Variants in ZSCAN12 observed in about 807,000 individuals in gnomAD.
The protein encoded by ZSCAN12 is zinc finger and SCAN domain containing 12.
A neutral mutation model predicts 23.4 loss-of-function variants in ZSCAN12; 18 were observed. That is an observed-to-expected ratio of 0.77 (90% CI 0.53 to 1.14). ZSCAN12 has a LOEUF of 1.14. Among genes scored for constraint, ZSCAN12 ranks in the 50% most tolerant of loss-of-function variants. ZSCAN12 has a pLI of 0.00. For synonymous variants in ZSCAN12, 186 were observed against 253.4 expected, an observed-to-expected ratio of 0.73 and a Z score of 2.53; for missense variants, 650 against 735.0, an observed-to-expected ratio of 0.88 and a Z score of 1.34.
rs759827066 is a variant in ZSCAN12 at position 28,388,630 on chromosome 6, T to G, written c.*1824A>C. ...ACACAGGGCTGTGTAGAAAGGTAAT[T>G]AGGAGTGGGACTTACTAAGGAAGAA... On this transcript the variant is annotated 3_prime_UTR_variant, in exon 4 of 4. Transcript: ENST00000684592. 5.9e-5 allele frequency among the ~76,000 whole-genome samples: 9 copies of G among 152,014 alleles called. No homozygotes were observed. The highest frequency in any genetic ancestry group is 1.2e-4 in the Non-Finnish European group (8 of 67,994).
At position 28,388,025 on chromosome 6, in the gene ZSCAN12, A is replaced by C. The variant is rs1167200528; in HGVS notation, c.*2429T>G. Among the ~76,000 whole-genome samples, 3 of 152,142 alleles carry C rather than the reference A, an allele frequency of 2.0e-5. No individual in the cohort carries two copies. Reference sequence around the variant, plus strand: ...TTGGCTTTGGAGCCGCAAGCAGCTGAACCTTGGTTTGGTTACAAGTTTGCA... The same window carrying C: ...TTGGCTTTGGAGCCGCAAGCAGCTGCACCTTGGTTTGGTTACAAGTTTGCA... On this transcript the variant is annotated 3_prime_UTR_variant, in exon 4 of 4. Transcript: ENST00000684592.
At chr6:28,380,421 C>T (rs912476636), downstream of ZSCAN12, 10 of 152,248 alleles carry the variant, frequency 6.6e-5, no homozygotes, top group Admixed American at 3.9e-4. Context: ...TCAGTCCTGG[C>T]TTCTGGGTGA....
chr6:28,397,788 G>T (rs1316010831), intron 2 of ZSCAN12, among the ~76,000 whole-genome samples: 2 of 152,094 alleles, frequency 1.3e-5, no homozygotes, highest in South Asian at 4.2e-4. Flanking sequence ...TTATCAAACA[G>T]AATTTTGTAG....
rs1263190247 is a variant in ZSCAN12, at chr6:28,389,648, T to TGGAGGATCAC, written c.*796_*805dup. Among the ~76,000 whole-genome samples, 1 of 152,230 alleles carries TGGAGGATCAC rather than the reference T, an allele frequency of 6.6e-6. No individual in the cohort carries two copies. Among genetic ancestry groups the TGGAGGATCAC allele is most frequent in the Non-Finnish European group, 1.5e-5 (1 of 68,044 alleles). ...ACATGATTTTGATGTTCATCAAAGT[T>TGGAGGATCAC]GGAGGATCACTAGAGTAATGGCCAG... On this transcript the variant is annotated 3_prime_UTR_variant, in exon 4 of 4. Coordinates refer to ENST00000684592, the MANE Select transcript of ZSCAN12 (RefSeq NM_001163391.2).
chr6:28,398,553 T>C, intron 1 of ZSCAN12, 80 bp from the exon 2 acceptor site: 1 of 748,968 alleles, frequency 1.3e-6, no homozygotes, highest in Non-Finnish European at 2.1e-6. Context: ...ACTATGACCT[T>C]TGAAATCTGA....
chr6:28,387,346 C>T lies in ZSCAN12; in HGVS notation c.*3108G>A, dbSNP rs981802083. ...TAAAGGCACTCAGAGGAGTAGAAGG[C>T]AAGTTTAAAACAACGATTGCATTCC... On this transcript the variant is annotated 3_prime_UTR_variant, in exon 4 of 4. Coordinates refer to ENST00000684592, the MANE Select transcript of ZSCAN12 (RefSeq NM_001163391.2). Among the ~76,000 whole-genome samples, 1 of 152,116 alleles carries T rather than the reference C, an allele frequency of 6.6e-6. No homozygotes were observed. Among genetic ancestry groups the T allele is most frequent in the African/African-American group, 2.4e-5 (1 of 41,418 alleles).
At position 28,390,647 on chromosome 6, in the gene ZSCAN12, G is replaced by T; in HGVS notation, c.1643C>A (p.Thr548Asn). The change falls in exon 4 of 4, where the codon ACT becomes AAT. Residue 548 changes from threonine (T) to asparagine (N), a missense_variant. Physicochemically the swap from Thr to Asn is moderately conservative, Grantham distance 65 (BLOSUM62 0). Coordinates refer to ENST00000684592, the MANE Select transcript of ZSCAN12 (RefSeq NM_001163391.2). ...ATCACATTGGTAGGGCTTCTCCCCAGTGTGGATTCTCTGATGCTGAATGAG... is the reference window on the plus strand; with the variant it reads ...ATCACATTGGTAGGGCTTCTCCCCATTGTGGATTCTCTGATGCTGAATGAG... ...TSLIQHQRIH[T>N]GEKPYQCDEC... is the part of the protein sequence containing the mutation. 1.9e-6 allele frequency: 3 copies of T among 1,613,502 alleles called. No individual in the cohort carries two copies. The highest frequency in any genetic ancestry group is 2.2e-5 in the East Asian group (1 of 44,850).
At chr6:28,392,505 AT>A (rs567446822) in intron 3 of ZSCAN12, among the ~76,000 whole-genome samples, 841 of 151,048 alleles carry the variant, frequency 5.6e-3, no homozygotes, top group East Asian at 7.9e-3. Flanking sequence ...AAGTATACAA[AT>A]TTTTTTTTTC....
chr6:28,383,334 A>G (rs1298054438), downstream of ZSCAN12, among the ~76,000 whole-genome samples: 2 of 152,166 alleles, frequency 1.3e-5, no homozygotes, highest in Non-Finnish European at 2.9e-5. Flanking sequence ...CTCACCAGAG[A>G]CACTGAAAGG....
rs1581787360 is a variant in ZSCAN12, at chr6:28,398,331, T to C, written c.75A>G (p.Lys25=). ...GGTCCCAATCCTGTCTGGTGGTATA[T>C]TTCTCTTCCTCTATCTTTACTTCCA... The part of the protein sequence containing the change: ...EPLEVKIEEE[K]YTTRQDWDLR... The change falls in exon 2 of 4, where the codon AAA becomes AAG. Residue 25 remains lysine, a synonymous_variant. Transcript: ENST00000684592. 23 of 1,557,396 alleles carry C rather than the reference T, an allele frequency of 1.5e-5. No homozygotes were observed. The East Asian group carries it at 1.7e-4, about 11-fold the overall frequency.
Position 28,391,783 on chromosome 6 carries a change from A to G in ZSCAN12, c.548-41T>C, listed in dbSNP as rs1561959905. On this transcript the variant is annotated intron_variant, in intron 3 of 3. Coordinates refer to ENST00000684592, the MANE Select transcript of ZSCAN12 (RefSeq NM_001163391.2). This position sits in a 1 kb window ranked among gnomAD's most constrained non-coding sequence, Gnocchi z 4.1. ...AAATGTTACCTCTTTCTACCTTTAA[A>G]ATGTATCCATACATTTTAATATTAA... 1 of 1,404,374 alleles carries G rather than the reference A, an allele frequency of 7.1e-7. No homozygotes were observed. Among genetic ancestry groups the G allele is most frequent in the Non-Finnish European group, 9.4e-7 (1 of 1,064,454 alleles). The allele number at this position is 1,404,374 out of a possible 1,614,324, so 87.0% of individuals were successfully genotyped here. A position where few individuals can be genotyped will look rare whatever the true frequency, so the allele number is the denominator to read the frequency against.
chr6:28,396,019 A>ATTTT (rs70983941), intron 2 of ZSCAN12, among the ~76,000 whole-genome samples: 2 of 132,180 alleles, frequency 1.5e-5, no homozygotes, highest in Non-Finnish European at 3.2e-5. Flanking sequence ...GTGTTTGTTG[A>ATTTT]TTTTTTTTTT....
At chr6:28,384,114 A>G (rs547979139), downstream of ZSCAN12, among the ~76,000 whole-genome samples, 13 of 152,278 alleles carry the variant, frequency 8.5e-5, no homozygotes, top group Admixed American at 2.6e-4. Context: ...AACCATGGCA[A>G]TCCGTCTCTA....
At position 28,391,542 on chromosome 6, in the gene ZSCAN12, C is replaced by T; in HGVS notation, c.748G>A (p.Glu250Lys). The T allele has an allele frequency of 3.2e-6, 5 of 1,552,208 alleles. No individual in the cohort carries two copies. Among genetic ancestry groups the T allele is most frequent in the Non-Finnish European group, 4.4e-6 (5 of 1,147,112 alleles). ...SREDKQPTCD[E>K]NGVSLTENSD... ...TTCTCAGTCAGGCTTACTCCATTTT[C>T]ATCACAGGTAGGTTGTTTATCTTCT... The change falls in exon 4 of 4, where the codon GAA (glutamate) becomes AAA (lysine). Residue 250 changes from glutamate to lysine, a missense_variant. Coordinates refer to ENST00000684592, the MANE Select transcript of ZSCAN12 (RefSeq NM_001163391.2). This position sits in a 1 kb window ranked among gnomAD's most constrained non-coding sequence, Gnocchi z 4.1.
In ZSCAN12 at chr6:28,390,165, T is replaced by C. The variant is rs1760742319; in HGVS notation, c.*289A>G. 6.6e-6 allele frequency among the ~76,000 whole-genome samples: 1 copy of C among 152,198 alleles called. No homozygotes were observed. The highest frequency in any genetic ancestry group is 1.5e-5 in the Non-Finnish European group (1 of 68,030). ...TATAGTCTGTTACAAAGTACCACTT[T>C]CATTCGACACCATCTGGTGCATCAA... is the stretch of plus-strand genomic sequence containing the variant. On this transcript the variant is annotated 3_prime_UTR_variant, in exon 4 of 4. Coordinates refer to ENST00000684592, the MANE Select transcript of ZSCAN12 (RefSeq NM_001163391.2).
Position 28,391,787 on chromosome 6 carries a change from T to C in ZSCAN12, c.548-45A>G. The C allele has an allele frequency of 7.2e-7, 1 of 1,387,432 alleles. No individual in the cohort carries two copies. The highest frequency in any genetic ancestry group is 9.5e-7 in the Non-Finnish European group (1 of 1,052,472). 85.9% of individuals were successfully genotyped at this position (1,387,432 alleles called of 1,614,324 possible). ...GTTACCTCTTTCTACCTTTAAAATGTATCCATACATTTTAATATTAAGCAG... is the reference window on the plus strand; with the variant it reads ...GTTACCTCTTTCTACCTTTAAAATGCATCCATACATTTTAATATTAAGCAG... On this transcript the variant is annotated intron_variant, in intron 3 of 3. Transcript: ENST00000684592. The surrounding 1 kb of genome is among the most constrained non-coding windows in gnomAD (Gnocchi z 4.1).
At chr6:28,394,351 C>T (rs1761003763) in intron 2 of ZSCAN12, among the ~76,000 whole-genome samples, 1 of 152,172 alleles carries the variant, frequency 6.6e-6, no homozygotes, top group East Asian at 1.9e-4. Flanking sequence ...AAATTACTCC[C>T]CCATTCTCTT....
At chr6:28,398,524 T>C in intron 1 of ZSCAN12, 51 bp from the exon 2 acceptor site, 1 of 1,071,022 alleles carries the variant, frequency 9.3e-7, no homozygotes, top group South Asian at 1.9e-5. Flanking sequence ...AAAGTAAAAC[T>C]GCAAATTCTG....
chr6:28,398,904 G>T (rs1321304881), intron 1 of ZSCAN12, among the ~76,000 whole-genome samples: 1 of 138,626 alleles, frequency 7.2e-6, no homozygotes, highest in African/African-American at 2.8e-5. Flanking sequence ...CTGCACTCCA[G>T]CCTGGGCGAC....
Sources: gnomAD v4.1 joint callset for allele counts (sites outside exome capture counted in the v4.1 genomes callset) on GRCh38, gnomAD v4.1.1 for gene constraint, Gnocchi (gnomAD v3.1) non-coding constraint, MANE v1.5 for transcripts, NCBI Gene and HGNC (gene_info 2026-07-23, HGNC 2026-07-21) for gene names.